The following FBXO11 variants were observed in gnomAD, a reference collection of about 807,000 sequenced individuals.
The protein encoded by FBXO11 is F-box protein 11, also known as F-box only protein 11.
Under a neutral mutation model 117.0 loss-of-function variants are expected in FBXO11, and 13 were observed. The ratio of observed to expected loss-of-function variants is 0.11; its 90% CI spans 0.07 to 0.18. The LOEUF (loss-of-function observed/expected upper bound fraction) is 0.18, where lower values mean the gene tolerates loss of function less well. Among genes scored for constraint, FBXO11 ranks in the 10% least tolerant of loss-of-function variants. The pLI is 1.00. For missense variants in FBXO11, 767 were observed against 1,164.4 expected, an observed-to-expected ratio of 0.66 and a Z score of 4.97; for synonymous variants, 490 against 380.5, an observed-to-expected ratio of 1.29 and a Z score of -3.35.
chr2:47,865,750 G>C (rs560231784), intron 1 of FBXO11: 19 of 152,290 alleles, frequency 1.2e-4, no homozygotes, highest in African/African-American at 4.3e-4. Context: ...GATATTATTA[G>C]AGTCAACAAA....
intron 12 of FBXO11, among the ~76,000 whole-genome samples, chr2:47,822,811 A>T (rs1280532209): frequency 2.0e-5 from 3 of 152,230 alleles, no homozygotes; most frequent in African/African-American, 7.2e-5. Flanking sequence ...AAAAAAGAAG[A>T]CAAAGTCCTT....
At chr2:47,835,786 C>A (rs952462738) in intron 5 of FBXO11, 86 bp downstream of exon 5, 26 of 1,094,218 alleles carry the variant, frequency 2.4e-5, no homozygotes, top group Non-Finnish European at 3.2e-5. Context: ...GTGTGAGCCA[C>A]CACGCCCAGC....
chr2:47,876,905 G>C (rs6714441), intron 1 of FBXO11, among the ~76,000 whole-genome samples: 2 of 151,494 alleles, frequency 1.3e-5, no homozygotes, highest in Admixed American at 6.6e-5. Flanking sequence ...TGAATCTCTC[G>C]ATCTATATTC....
intron 1 of FBXO11, among the ~76,000 whole-genome samples, chr2:47,885,417 C>T (rs1025333985): frequency 2.6e-5 from 4 of 151,936 alleles, no homozygotes; most frequent in African/African-American, 9.7e-5. Context: ...ACATGGCAAA[C>T]CCTGTCTCTA....
Position 47,809,536 on chromosome 2 carries a change from C to T in FBXO11, c.2446+64G>A, listed in dbSNP as rs538926287. The T allele has an allele frequency of 8.5e-5, 101 of 1,184,492 alleles. 2 individuals are homozygous for T. In the South Asian group the frequency reaches 1.1e-3, roughly 13 times the overall value. The allele number at this position is 1,184,492 out of a possible 1,614,324, so 73.4% of individuals were successfully genotyped here. On this transcript the variant is annotated intron_variant, in intron 20 of 22. Coordinates refer to ENST00000403359, the MANE Select transcript of FBXO11 (RefSeq NM_001190274.2). ...TGACATAAGGAATCAAGTTATAAAA[C>T]GGCTTCTGATTATCTTTCATGGCAT...
chr2:47,809,512 G>A (rs1027510087), intron 20 of FBXO11, 88 bp downstream of exon 20: 4 of 940,726 alleles, frequency 4.3e-6, no homozygotes, highest in Non-Finnish European at 6.5e-6. Context: ...CTTGGAGAGT[G>A]ACATAAGGAA....
intron 11 of FBXO11, 31 bp downstream of exon 11, chr2:47,832,318 C>G: frequency 6.5e-7 from 1 of 1,545,782 alleles, no homozygotes; most frequent in Non-Finnish European, 8.7e-7. Flanking sequence ...ATACAGAAGT[C>G]CGTTTTTCTA....
intron 11 of FBXO11, among the ~76,000 whole-genome samples, chr2:47,831,427 G>GAAAA (rs920107554): frequency 3.0e-5 from 2 of 65,768 alleles, no homozygotes; most frequent in Non-Finnish European, 5.7e-5. Flanking sequence ...GTCTCAAAAA[G>GAAAA]AAAAAAAAAA....
At chr2:47,818,692 G>A (rs1177723961) in intron 16 of FBXO11, 87 bp downstream of exon 16, 4 of 785,266 alleles carry the variant, frequency 5.1e-6, no homozygotes, top group Non-Finnish European at 6.3e-6. Context: ...ATAAAGATTG[G>A]GCATTAAACA....
At position 47,807,215 on chromosome 2, in the gene FBXO11, T is replaced by C. The variant is rs1670274281; in HGVS notation, c.*903A>G. On this transcript the variant is annotated 3_prime_UTR_variant, in exon 23 of 23. Transcript: ENST00000403359. ...ATTTCCAGCAGTTTTGTCTAAACTG[T>C]TCAAAAAAAAACTATGAACAGAGTT... 2 of 250,934 alleles carry C rather than the reference T, an allele frequency of 8.0e-6. No homozygotes were observed. The highest frequency in any genetic ancestry group is 6.0e-5 in the East Asian group (1 of 16,770). 15.5% of individuals were successfully genotyped at this position (250,934 alleles called of 1,614,324 possible).
At chr2:47,886,824 T>TA (rs1340386176) in intron 1 of FBXO11, among the ~76,000 whole-genome samples, 2 of 151,874 alleles carry the variant, frequency 1.3e-5, no homozygotes, top group Non-Finnish European at 2.9e-5. Flanking sequence ...CACATGCATT[T>TA]AAAAAATTGA....
intron 1 of FBXO11, among the ~76,000 whole-genome samples, chr2:47,859,581 A>AT (rs1232073008): frequency 2.0e-5 from 3 of 152,246 alleles, no homozygotes; most frequent in Non-Finnish European, 4.4e-5. Flanking sequence ...TTCTCTTCCA[A>AT]TCCCTTGTAT....
chr2:47,882,269 T>A (rs1300540308), intron 1 of FBXO11, among the ~76,000 whole-genome samples: 3 of 152,176 alleles, frequency 2.0e-5, no homozygotes. Context: ...TCGACTGGGG[T>A]TGAATGTTGT....
chr2:47,839,622 G>C lies in FBXO11; in HGVS notation c.360+20C>G, dbSNP rs755551515. The C allele has an allele frequency of 6.2e-7, 1 of 1,605,550 alleles. No individual in the cohort carries two copies. ...AAATTCTTTCATTACAAAAAGAAAA[G>C]CAACTACAGTTAAAGTTACCTCCAT... On this transcript the variant is annotated intron_variant, in intron 2 of 22. Coordinates refer to ENST00000403359, the MANE Select transcript of FBXO11 (RefSeq NM_001190274.2).
At chr2:47,896,602 G>A (rs1018711001) in intron 1 of FBXO11, among the ~76,000 whole-genome samples, 3 of 152,098 alleles carry the variant, frequency 2.0e-5, no homozygotes, top group Middle Eastern at 3.2e-3. Context: ...AAAGTGCTAG[G>A]ATTACAGGCA....
chr2:47,842,858 G>A (rs1230476872), intron 1 of FBXO11, among the ~76,000 whole-genome samples: 1 of 150,434 alleles, frequency 6.6e-6, no homozygotes, highest in Non-Finnish European at 1.5e-5. Context: ...ATGGCTTACT[G>A]CAGCCTGTAT....
At chr2:47,818,459 A>G (rs1391129488) in intron 16 of FBXO11, 2 of 230,010 alleles carry the variant, frequency 8.7e-6, no homozygotes, top group African/African-American at 2.2e-5. Flanking sequence ...ATGATATGCC[A>G]GGCATAATGC....
At chr2:47,847,435 G>A (rs1201805313) in intron 1 of FBXO11, among the ~76,000 whole-genome samples, 2 of 152,190 alleles carry the variant, frequency 1.3e-5, no homozygotes, top group African/African-American at 2.4e-5. Flanking sequence ...ATGGCTGGGT[G>A]TGGTGGCTCA....
At chr2:47,862,135 G>C (rs1674825672) in intron 1 of FBXO11, among the ~76,000 whole-genome samples, 1 of 152,064 alleles carries the variant, frequency 6.6e-6, no homozygotes, top group Non-Finnish European at 1.5e-5. Context: ...TGGCCAGGCT[G>C]GTCTCAAACG....
Sources: allele counts gnomAD v4.1 joint callset (sites outside exome capture counted in the v4.1 genomes callset), GRCh38; gene constraint gnomAD v4.1.1; transcripts MANE v1.5; gene names NCBI Gene and HGNC (gene_info 2026-07-23, HGNC 2026-07-21).